The following MET variants were observed in gnomAD, a reference collection of about 807,000 sequenced individuals.
MET encodes the protein hepatocyte growth factor receptor.
MET carries 48 observed loss-of-function variants against 133.1 expected under a neutral mutation model. That is an observed-to-expected ratio of 0.36 (90% CI 0.29 to 0.46). The LOEUF (loss-of-function observed/expected upper bound fraction) is 0.46. MET is among the 20% of genes least tolerant of loss of function. The probability of loss-of-function intolerance (pLI) is 1.00; values close to 1 mark genes in which losing one functional copy is unlikely to be tolerated. For missense variants in MET, 1,442 were observed against 1,695.9 expected (o/e 0.85, Z 2.63); for synonymous variants, 628 against 616.5 (o/e 1.02, Z -0.28).
intron 2 of MET, among the ~76,000 whole-genome samples, chr7:116,705,253 C>T (rs562337904): frequency 3.3e-5 from 5 of 152,058 alleles, no homozygotes; most frequent in African/African-American, 1.2e-4. Flanking sequence ...CCACAAGGAC[C>T]GTTATTGATC....
intron 3 of MET, among the ~76,000 whole-genome samples, chr7:116,734,411 C>T (rs948955158): frequency 2.6e-5 from 4 of 152,174 alleles, no homozygotes; most frequent in African/African-American, 9.7e-5. Context: ...AAGCTACAGC[C>T]CCAGCTGTTG....
chr7:116,776,597 T>G (rs1278621285), intron 15 of MET, among the ~76,000 whole-genome samples: 1 of 152,220 alleles, frequency 6.6e-6, no homozygotes, highest in Non-Finnish European at 1.5e-5. Flanking sequence ...TAAGTTTTAT[T>G]TTATTCTTCT....
At chr7:116,714,872 G>A (rs1319076081) in intron 2 of MET, among the ~76,000 whole-genome samples, 1 of 151,976 alleles carries the variant, frequency 6.6e-6, no homozygotes, top group Non-Finnish European at 1.5e-5. Flanking sequence ...AGAGAATAGT[G>A]TAAAATAATA....
At chr7:116,790,779 G>A (rs1159300101) in intron 19 of MET, among the ~76,000 whole-genome samples, 2 of 152,064 alleles carry the variant, frequency 1.3e-5, no homozygotes, top group African/African-American at 4.8e-5. Flanking sequence ...CCATTCACCA[G>A]TTAAAGAACA....
Position 116,740,949 on chromosome 7 carries a change from A to G in MET, c.1625A>G (p.His542Arg), listed in dbSNP as rs775183859. 1.9e-6 allele frequency: 3 copies of G among 1,613,962 alleles called. No individual in the cohort carries two copies. Among genetic ancestry groups the G allele is most frequent in the African/African-American group, 2.7e-5 (2 of 74,864 alleles). Residue 542 changes from histidine to arginine, a missense_variant, in exon 5 of 21, where the codon CAC becomes CGC. By Grantham distance (29) the His-to-Arg change is conservative. This residue lies in a region of MET where 762 missense variants were observed against 792.4 expected (regional missense o/e 0.96). Transcript: ENST00000397752. ...APPFVQCGWC[H>R]DKCVRSEECL... Reference sequence around the variant, plus strand: ...CCCTTTGTTCAGTGTGGCTGGTGCCACGACAAATGTGTGCGATCGGAGGAA... The same window carrying G: ...CCCTTTGTTCAGTGTGGCTGGTGCCGCGACAAATGTGTGCGATCGGAGGAA...
At chr7:116,782,135 G>T in intron 18 of MET, 38 bp downstream of exon 18, 14 of 1,372,636 alleles carry the variant, frequency 1.0e-5, no homozygotes, top group Non-Finnish European at 1.5e-5. Flanking sequence ...TCCAAATTAA[G>T]TGACAAGGAG....
chr7:116,720,985 A>T (rs1014656720), intron 2 of MET, among the ~76,000 whole-genome samples: 55 of 151,564 alleles, frequency 3.6e-4, no homozygotes, highest in Non-Finnish European at 6.9e-4. Flanking sequence ...TGGTATCAGA[A>T]TGATGCTGGC....
chr7:116,724,972 A>G lies in MET; in HGVS notation c.1201-6696A>G, dbSNP rs117120979. 71 of 807,624 alleles carry G rather than the reference A, an allele frequency of 8.8e-5. 2 individuals carry two copies. The East Asian group carries it at 4.4e-3, about 50-fold the overall frequency. 50.0% of individuals were successfully genotyped at this position (807,624 alleles called of 1,614,324 possible). Reference sequence around the variant, plus strand: ...TTGTAAACACTAGGAACAAATGCTAAGGTCATGCAACTCATCAATGCCTCC... The same window carrying G: ...TTGTAAACACTAGGAACAAATGCTAGGGTCATGCAACTCATCAATGCCTCC... On this transcript the variant is annotated intron_variant, in intron 2 of 20. Transcript: ENST00000397752.
chr7:116,726,499 A>G (rs981732952), intron 2 of MET, among the ~76,000 whole-genome samples: 1 of 151,934 alleles, frequency 6.6e-6, no homozygotes, highest in African/African-American at 2.4e-5. Flanking sequence ...AATAAAGCAC[A>G]TTACCTCTGT....
intron 1 of MET, among the ~76,000 whole-genome samples, chr7:116,676,189 G>T (rs1033201340): frequency 6.6e-6 from 1 of 152,178 alleles, no homozygotes; most frequent in Non-Finnish European, 1.5e-5. Flanking sequence ...GTGCAAGTAT[G>T]TTTATGTAGG....
At chr7:116,782,800 A>G (rs1300431535) in intron 18 of MET, among the ~76,000 whole-genome samples, 1 of 152,228 alleles carries the variant, frequency 6.6e-6, no homozygotes, top group African/African-American at 2.4e-5. Context: ...TAGATGCTTT[A>G]CTGTGTATCC....
chr7:116,782,398 G>T (rs1795183353), intron 18 of MET, among the ~76,000 whole-genome samples: 1 of 152,184 alleles, frequency 6.6e-6, no homozygotes, highest in South Asian at 2.1e-4. Context: ...ATTAGTGTTG[G>T]GGAGGGAGAA....
chr7:116,732,749 C>T (rs1443786286), intron 3 of MET, among the ~76,000 whole-genome samples: 4 of 152,182 alleles, frequency 2.6e-5, no homozygotes, highest in African/African-American at 7.2e-5. Context: ...TTTCCTATAA[C>T]TTGCCTGTCT....
chr7:116,713,394 CAAA>C (rs749848531), intron 2 of MET, among the ~76,000 whole-genome samples: 6 of 77,550 alleles, frequency 7.7e-5, no homozygotes, highest in African/African-American at 7.7e-5. Context: ...GACTCCGTCT[CAAA>C]AAAAAAAAAA....
At chr7:116,769,590 C>T (rs2116981605) in intron 11 of MET, 55 bp from the exon 12 acceptor site, 1 of 1,596,554 alleles carries the variant, frequency 6.3e-7, no homozygotes, top group Non-Finnish European at 8.6e-7. Context: ...CCATTGTTAG[C>T]ATTCCTGCAG....
At chr7:116,725,168 T>G (rs192203349) in intron 2 of MET, among the ~76,000 whole-genome samples, 123 of 152,264 alleles carry the variant, frequency 8.1e-4, no homozygotes, top group African/African-American at 2.7e-3. Context: ...ATGCTAATAT[T>G]TATTGACTCA....
intron 19 of MET, among the ~76,000 whole-genome samples, chr7:116,793,409 A>C (rs1795574388): frequency 6.6e-6 from 1 of 151,338 alleles, no homozygotes; most frequent in Non-Finnish European, 1.5e-5. Context: ...TCTTGACCTC[A>C]AGTGATCTGC....
chr7:116,729,873 A>G (rs908530457), intron 2 of MET, among the ~76,000 whole-genome samples: 1 of 152,192 alleles, frequency 6.6e-6, no homozygotes, highest in Non-Finnish European at 1.5e-5. Flanking sequence ...TCACTTGTTC[A>G]TTCATTCAAT....
At chr7:116,789,429 C>T (rs974923648) in intron 19 of MET, among the ~76,000 whole-genome samples, 1 of 152,122 alleles carries the variant, frequency 6.6e-6, no homozygotes, top group Non-Finnish European at 1.5e-5. Context: ...TTACCCACTC[C>T]TCATTCTTTT....
Sources: allele counts gnomAD v4.1 joint callset (sites outside exome capture counted in the v4.1 genomes callset), GRCh38; gene constraint gnomAD v4.1.1; regional missense constraint gnomAD v4.1.1; transcripts MANE v1.5; gene names NCBI Gene and HGNC (gene_info 2026-07-23, HGNC 2026-07-21).